DENND1B: variants seen among roughly 807,000 people sequenced by gnomAD.
DENND1B encodes the protein DENN domain containing 1B, also known as DENN domain-containing protein 1B.
In DENND1B, 59 loss-of-function variants were observed where a neutral mutation model predicts 90.1. That is an observed-to-expected ratio of 0.65 (90% CI 0.53 to 0.81). DENND1B has a LOEUF of 0.81. Among genes scored for constraint, DENND1B ranks in the 40% least tolerant of loss-of-function variants. DENND1B has a pLI of 0.00. For missense variants in DENND1B, 862 were observed against 912.6 expected, an observed-to-expected ratio of 0.94 and a Z score of 0.71; for synonymous variants, 337 against 324.6, an observed-to-expected ratio of 1.04 and a Z score of -0.41.
chr1:197,677,685 C>T (rs894949805), intron 3 of DENND1B, among the ~76,000 whole-genome samples: 4 of 152,156 alleles, frequency 2.6e-5, no homozygotes, highest in Non-Finnish European at 5.9e-5. Context: ...CACAAGGGTC[C>T]TGAGTCTTTA....
chr1:197,621,901 C>T (rs566064520), intron 10 of DENND1B, among the ~76,000 whole-genome samples: 3 of 151,380 alleles, frequency 2.0e-5, no homozygotes, highest in Admixed American at 6.6e-5. Context: ...TTAAAATGCA[C>T]ATATATTTTC....
chr1:197,628,926 A>T (rs1356178375), intron 10 of DENND1B, among the ~76,000 whole-genome samples: 1 of 152,146 alleles, frequency 6.6e-6, no homozygotes, highest in Non-Finnish European at 1.5e-5. Flanking sequence ...ACATGAAAAA[A>T]TGCTCACCAT....
At chr1:197,746,459 A>G (rs1663762583) in intron 2 of DENND1B, among the ~76,000 whole-genome samples, 1 of 152,052 alleles carries the variant, frequency 6.6e-6, no homozygotes, top group Non-Finnish European at 1.5e-5. Context: ...AAACAGCAAA[A>G]CTGATTTTAT....
intron 10 of DENND1B, among the ~76,000 whole-genome samples, chr1:197,629,245 C>T (rs1289383519): frequency 6.6e-6 from 1 of 151,894 alleles, no homozygotes; most frequent in African/African-American, 2.4e-5. Flanking sequence ...TATTGCGGCA[C>T]TATTCACAAT....
chr1:197,684,675 A>T (rs1657048093), intron 3 of DENND1B, among the ~76,000 whole-genome samples: 1 of 152,192 alleles, frequency 6.6e-6, no homozygotes, highest in African/African-American at 2.4e-5. Context: ...GATGCTACTT[A>T]TATCTCTGCT....
Position 197,775,253 on chromosome 1 carries a change from C to G in DENND1B, c.-98G>C. 1 of 1,014,818 alleles carries G rather than the reference C, an allele frequency of 9.9e-7. No individual in the cohort carries two copies. The highest frequency in any genetic ancestry group is 1.3e-6 in the Non-Finnish European group (1 of 785,232). The allele number at this position is 1,014,818 out of a possible 1,614,324, so 62.9% of individuals were successfully genotyped here. ...GAGGGTCGCGCCGTCCCCGCCCACG[C>G]CGGCGGCCACACAGGGAAAGAGGCT... On this transcript the variant is annotated 5_prime_UTR_variant, in exon 1 of 23. Coordinates refer to ENST00000620048, the MANE Select transcript of DENND1B (RefSeq NM_001195215.2).
intron 9 of DENND1B, 79 bp downstream of exon 9, chr1:197,645,610 TA>T: frequency 1.3e-6 from 1 of 745,640 alleles, no homozygotes; most frequent in Non-Finnish European, 2.0e-6. Flanking sequence ...TTTCTCTATA[TA>T]AAAACGCATA....
At chr1:197,582,417 G>A (rs1674324425) in intron 15 of DENND1B, among the ~76,000 whole-genome samples, 1 of 151,996 alleles carries the variant, frequency 6.6e-6, no homozygotes, top group South Asian at 2.1e-4. Context: ...ACACACAGTA[G>A]GTCTTCATTA....
intron 16 of DENND1B, chr1:197,552,820 C>A (rs1028100333): frequency 1.3e-5 from 17 of 1,323,062 alleles, no homozygotes; most frequent in Non-Finnish European, 1.6e-5. Flanking sequence ...TTCAGGAGGC[C>A]AACTTAATGC....
At position 197,707,769 on chromosome 1, in the gene DENND1B, G is replaced by A. The variant is rs573418603; in HGVS notation, c.126+7262C>T. Among the ~76,000 whole-genome samples the A allele has an allele frequency of 4.0e-3, 596 of 148,834 alleles. 3 individuals carry two copies. The highest frequency in any genetic ancestry group is 7.6e-3 in the Non-Finnish European group (511 of 67,302). The stretch of plus-strand genomic sequence containing the variant: ...ACAGCTCCGGTCTACAGCTCCCAGC[G>A]TGAGCGACGCAGAAGACGGGTGATT... On this transcript the variant is annotated intron_variant, in intron 3 of 22. Transcript: ENST00000620048.
rs1014403755 is a variant in DENND1B at position 197,576,179 on chromosome 1, G to A, written c.1149+6973C>T. Among the ~76,000 whole-genome samples, 32 of 152,176 alleles carry A rather than the reference G, an allele frequency of 2.1e-4. 1 individual carries two copies. ...GTTGACGTTTGAAGAGGCTATGGCGGAATGACAGGAAGCATATTAATACTG... is the reference window on the plus strand; with the variant it reads ...GTTGACGTTTGAAGAGGCTATGGCGAAATGACAGGAAGCATATTAATACTG... On this transcript the variant is annotated intron_variant, in intron 15 of 22. Coordinates refer to ENST00000620048, the MANE Select transcript of DENND1B (RefSeq NM_001195215.2).
At chr1:197,611,853 T>C (rs772002790) in intron 12 of DENND1B, 78 bp downstream of exon 12, 39 of 1,316,438 alleles carry the variant, frequency 3.0e-5, no homozygotes, top group Non-Finnish European at 4.1e-5. Context: ...ACCACTGATA[T>C]TTCTTCAAAA....
intron 4 of DENND1B, 78 bp from the exon 5 acceptor site, chr1:197,672,234 T>C (rs1362019490): frequency 6.8e-7 from 1 of 1,466,806 alleles, no homozygotes; most frequent in African/African-American, 1.4e-5. Context: ...AAGAGTATAT[T>C]TATATGTGAC....
intron 16 of DENND1B, 59 bp downstream of exon 16, chr1:197,552,963 C>T: frequency 6.4e-7 from 1 of 1,553,984 alleles, no homozygotes; most frequent in East Asian, 2.4e-5. Flanking sequence ...GACACAAGTG[C>T]AAAGACCAAG....
chr1:197,658,128 TACAG>T (rs1432051849), intron 6 of DENND1B, among the ~76,000 whole-genome samples, 168 bp downstream of exon 6: 1 of 152,086 alleles, frequency 6.6e-6, no homozygotes, highest in Non-Finnish European at 1.5e-5. Context: ...GTTTAATGGA[TACAG>T]ACAGAGTTTT....
chr1:197,679,467 T>C (rs1350945580), intron 3 of DENND1B, among the ~76,000 whole-genome samples: 2 of 151,728 alleles, frequency 1.3e-5, no homozygotes, highest in East Asian at 1.9e-4. Flanking sequence ...CTAAAATATA[T>C]GGCAGGATGT....
At chr1:197,571,496 T>C (rs1038234106) in intron 15 of DENND1B, among the ~76,000 whole-genome samples, 1 of 152,214 alleles carries the variant, frequency 6.6e-6, no homozygotes, top group African/African-American at 2.4e-5. Context: ...CAAAACTGAT[T>C]CCTTCTTTAG....
At chr1:197,773,933 T>C (rs1656928680) in intron 1 of DENND1B, among the ~76,000 whole-genome samples, 1 of 152,220 alleles carries the variant, frequency 6.6e-6, no homozygotes, top group South Asian at 2.1e-4. Context: ...AAGAAACGAA[T>C]GCCAGCTCTG....
intron 9 of DENND1B, among the ~76,000 whole-genome samples, chr1:197,644,772 C>T (rs753010154): frequency 2.0e-5 from 3 of 152,170 alleles, no homozygotes; most frequent in Non-Finnish European, 4.4e-5. Context: ...GCTTCTTGGA[C>T]TTCCTTCACT....
Sources: allele counts gnomAD v4.1 joint callset (sites outside exome capture counted in the v4.1 genomes callset), GRCh38; gene constraint gnomAD v4.1.1; transcripts MANE v1.5; gene names NCBI Gene and HGNC (gene_info 2026-07-23, HGNC 2026-07-21).